Variants in THRAP3 observed in about 807,000 individuals in gnomAD.
THRAP3 encodes the protein thyroid hormone receptor associated protein 3, also known as thyroid hormone receptor-associated protein 3.
Under a neutral mutation model 101.0 loss-of-function variants are expected in THRAP3, and 16 were observed. That is an observed-to-expected ratio of 0.16 (90% CI 0.11 to 0.24). The LOEUF (loss-of-function observed/expected upper bound fraction) is 0.24. Among genes scored for constraint, THRAP3 ranks in the 10% least tolerant of loss-of-function variants. The pLI is 1.00. For missense variants in THRAP3, 989 were observed against 1,202.7 expected (o/e 0.82, Z 2.63); for synonymous variants, 407 against 422.6 (o/e 0.96, Z 0.45).
intron 1 of THRAP3, among the ~76,000 whole-genome samples, chr1:36,238,516 T>C (rs928462674): frequency 6.6e-6 from 1 of 152,154 alleles, no homozygotes; most frequent in Non-Finnish European, 1.5e-5. Flanking sequence ...TTCAGGATAC[T>C]GGATATTTAT....
At position 36,304,303 on chromosome 1, in the gene THRAP3, T is replaced by A; in HGVS notation, c.*286T>A. 3.3e-6 allele frequency: 1 copy of A among 305,496 alleles called. No homozygotes were observed. The highest frequency in any genetic ancestry group is 6.1e-6 in the Non-Finnish European group (1 of 165,138). The allele number at this position is 305,496 out of a possible 1,614,324, so 18.9% of individuals were successfully genotyped here. Reference sequence around the variant, plus strand: ...TTGGTGTGTGGGGTGGGGGCAGGGGTAGGGCGGGAGAGCGATGCTTGGATT... The same window carrying A: ...TTGGTGTGTGGGGTGGGGGCAGGGGAAGGGCGGGAGAGCGATGCTTGGATT... On this transcript the variant is annotated 3_prime_UTR_variant, in exon 12 of 12. Coordinates refer to ENST00000354618, the MANE Select transcript of THRAP3 (RefSeq NM_005119.4).
At chr1:36,221,201 A>AG, upstream of THRAP3, among the ~76,000 whole-genome samples, 1 of 149,240 alleles carries the variant, frequency 6.7e-6, no homozygotes, top group East Asian at 1.9e-4. Context: ...AAAAAAAAAA[A>AG]AAAAAGCTGC....
intron 2 of THRAP3, among the ~76,000 whole-genome samples, chr1:36,269,376 TC>T (rs1557433841): frequency 6.6e-6 from 1 of 152,128 alleles, no homozygotes; most frequent in Non-Finnish European, 1.5e-5. Context: ...TTCTCCCCTC[TC>T]GTGATACTTT....
At chr1:36,285,242 A>G (rs956635733) in intron 3 of THRAP3, among the ~76,000 whole-genome samples, 3 of 152,236 alleles carry the variant, frequency 2.0e-5, no homozygotes, top group Non-Finnish European at 4.4e-5. Context: ...TTTATTCTAT[A>G]TGTAAAGAAA....
chr1:36,231,925 G>T (rs1384553838), intron 1 of THRAP3, among the ~76,000 whole-genome samples: 8 of 152,080 alleles, frequency 5.3e-5, no homozygotes, highest in Non-Finnish European at 1.5e-5. Context: ...TAGAGAAAAA[G>T]ATTTAGTGGC....
At chr1:36,225,591 G>C (rs191150701) in intron 1 of THRAP3, 1 of 152,204 alleles carries the variant, frequency 6.6e-6, no homozygotes, top group African/African-American at 2.4e-5. Flanking sequence ...TGCGCCGAGA[G>C]AGATGAGGCG....
intron 1 of THRAP3, among the ~76,000 whole-genome samples, chr1:36,246,644 C>T (rs1645234777): frequency 1.3e-5 from 2 of 152,022 alleles, no homozygotes; most frequent in African/African-American, 4.8e-5. Context: ...AAATCGAGAC[C>T]ATCCTGGCTA....
intron 8 of THRAP3, among the ~76,000 whole-genome samples, chr1:36,295,033 G>GGGA (rs1441565223): frequency 1.3e-5 from 2 of 152,124 alleles, no homozygotes; most frequent in Non-Finnish European, 2.9e-5. Flanking sequence ...ACACCAGCCT[G>GGGA]ACCTACATGG....
chr1:36,293,451 C>T (rs559390765), intron 7 of THRAP3, among the ~76,000 whole-genome samples: 1 of 152,296 alleles, frequency 6.6e-6, no homozygotes, highest in African/African-American at 2.4e-5. Context: ...AGGATTATCT[C>T]ACAGAATTTT....
intron 1 of THRAP3, among the ~76,000 whole-genome samples, chr1:36,228,174 A>C (rs1644984108): frequency 1.3e-5 from 2 of 150,512 alleles, no homozygotes; most frequent in Admixed American, 6.7e-5. Flanking sequence ...TAGCCTCCTG[A>C]GTAGCTGGGA....
intron 1 of THRAP3, among the ~76,000 whole-genome samples, chr1:36,257,063 G>T (rs1190565909): frequency 6.6e-6 from 1 of 152,080 alleles, no homozygotes; most frequent in Non-Finnish European, 1.5e-5. Context: ...TCCCAAAGTG[G>T]TGGGATTACA....
chr1:36,245,913 T>A (rs180791784), intron 1 of THRAP3, among the ~76,000 whole-genome samples: 6 of 152,312 alleles, frequency 3.9e-5, no homozygotes, highest in Middle Eastern at 3.4e-3. Flanking sequence ...TTATAGTACA[T>A]CTGATAATAA....
chr1:36,216,935 T>G, the THRAP3 span, among the ~76,000 whole-genome samples: 1 of 152,230 alleles, frequency 6.6e-6, no homozygotes, highest in Non-Finnish European at 1.5e-5. Flanking sequence ...ATTGCACTCA[T>G]CCATTAGTAA....
At chr1:36,292,252 G>GTTTTTTTTTT (rs1557453511) in intron 6 of THRAP3, among the ~76,000 whole-genome samples, 3 of 57,500 alleles carry the variant, frequency 5.2e-5, no homozygotes, top group African/African-American at 1.1e-4. Flanking sequence ...AACATAATGT[G>GTTTTTTTTTT]TTTCTTTGTT....
At chr1:36,227,723 T>TA (rs1474644511) in intron 1 of THRAP3, among the ~76,000 whole-genome samples, 6 of 151,780 alleles carry the variant, frequency 4.0e-5, no homozygotes, top group Admixed American at 3.9e-4. Context: ...AGCAAGAAAA[T>TA]AGAGATGGAA....
intron 2 of THRAP3, among the ~76,000 whole-genome samples, chr1:36,273,340 C>G (rs2995226): frequency 6.6e-6 from 1 of 152,368 alleles, no homozygotes; most frequent in African/African-American, 2.4e-5. Context: ...TCTTTTAAGA[C>G]AAGAAAATCT....
At chr1:36,258,492 T>G (rs1284311845) in intron 1 of THRAP3, among the ~76,000 whole-genome samples, 1 of 152,140 alleles carries the variant, frequency 6.6e-6, no homozygotes, top group Non-Finnish European at 1.5e-5. Context: ...TTTTTTTTTC[T>G]TGAGGCGAAG....
At chr1:36,243,417 T>A (rs1341824523) in intron 1 of THRAP3, among the ~76,000 whole-genome samples, 1 of 151,886 alleles carries the variant, frequency 6.6e-6, no homozygotes, top group African/African-American at 2.4e-5. Context: ...GCATGCTGCC[T>A]TCAAGCATCT....
chr1:36,300,144 A>T (rs1217050795), intron 9 of THRAP3, among the ~76,000 whole-genome samples: 2 of 152,190 alleles, frequency 1.3e-5, no homozygotes, highest in Non-Finnish European at 2.9e-5. Flanking sequence ...TATTAAGCTA[A>T]TTTGCCCTAG....
Sources: allele counts gnomAD v4.1 joint callset (sites outside exome capture counted in the v4.1 genomes callset), GRCh38; gene constraint gnomAD v4.1.1; transcripts MANE v1.5; gene names NCBI Gene and HGNC (gene_info 2026-07-23, HGNC 2026-07-21).